TLN2: variants seen among roughly 807,000 people sequenced by gnomAD.
TLN2 encodes the protein talin-2.
In TLN2, 118 loss-of-function variants were observed where a neutral mutation model predicts 294.7. The observed-to-expected ratio is 0.40, with a 90% CI of 0.34 to 0.47. The LOEUF (loss-of-function observed/expected upper bound fraction) is 0.47. Ranked by LOEUF, TLN2 falls within the 20% of genes least tolerant of loss-of-function variation. The probability of loss-of-function intolerance (pLI) is 0.84; values close to 1 mark genes in which losing one functional copy is unlikely to be tolerated. For synonymous variants in TLN2, 1,431 were observed against 1,304.5 expected (o/e 1.10, Z -2.09); for missense variants, 3,083 against 3,282.2 (o/e 0.94, Z 1.48).
At chr15:62,589,923 C>T (rs1387489857) in intron 2 of TLN2, among the ~76,000 whole-genome samples, 161 bp downstream of exon 2, 1 of 152,124 alleles carries the variant, frequency 6.6e-6, no homozygotes, top group African/African-American at 2.4e-5. Flanking sequence ...TCCTAATATT[C>T]CCATTCCTGT....
chr15:62,710,850 T>C (rs2059386805), intron 21 of TLN2, among the ~76,000 whole-genome samples: 2 of 148,572 alleles, frequency 1.3e-5, no homozygotes, highest in East Asian at 4.2e-4. Flanking sequence ...CTTAGCCTCC[T>C]GAGTAGCTGG....
rs1043569014 is a variant in TLN2, at chr15:62,402,307, C to T, written c.-238+11622C>T. Among the ~76,000 whole-genome samples, 4 of 152,196 alleles carry T rather than the reference C, an allele frequency of 2.6e-5. No homozygotes were observed. In the East Asian group the frequency reaches 5.8e-4, roughly 22 times the overall value. On this transcript the variant is annotated intron_variant, in intron 1 of 58. Coordinates refer to ENST00000636159, the MANE Select transcript of TLN2 (RefSeq NM_015059.3). ...TAGACCTAATCATTACTGATAACCGCACCTCCAGCAAAATCTGGACAAACT... is the reference window on the plus strand; with the variant it reads ...TAGACCTAATCATTACTGATAACCGTACCTCCAGCAAAATCTGGACAAACT...
chr15:62,570,519 C>T (rs531633288), intron 1 of TLN2, among the ~76,000 whole-genome samples: 3 of 152,018 alleles, frequency 2.0e-5, no homozygotes, highest in African/African-American at 4.8e-5. Context: ...CTTTCTTGTC[C>T]GTCTTTCTCT....
chr15:62,589,665 A>T (rs955529), intron 1 of TLN2, 22 bp from the exon 2 acceptor site: 49,769 of 152,028 alleles, frequency 0.33, 9,112 homozygotes, highest in African/African-American at 0.49. Context: ...CTTGATTCTG[A>T]TGATTGTTAT....
At chr15:62,612,499 T>A (rs1186015653) in intron 2 of TLN2, among the ~76,000 whole-genome samples, 3 of 152,198 alleles carry the variant, frequency 2.0e-5, no homozygotes, top group African/African-American at 7.2e-5. Context: ...CCCAGAAGTT[T>A]TAAAACACAA....
chr15:62,708,606 G>A lies in TLN2; in HGVS notation c.2277G>A (p.Ala759=), dbSNP rs766620261. Residue 759 remains alanine, a synonymous_variant, in exon 21 of 59, where the codon GCG becomes GCA. Coordinates refer to ENST00000636159, the MANE Select transcript of TLN2 (RefSeq NM_015059.3). The part of the protein sequence containing the change: ...SVENCVRACQ[A]ATTDSELLKQ... Reference sequence around the variant, plus strand: ...AGAACTGTGTCCGTGCCTGCCAGGCGGCCACTACCGATAGTGAGCTCCTGA... The same window carrying A: ...AGAACTGTGTCCGTGCCTGCCAGGCAGCCACTACCGATAGTGAGCTCCTGA... The A allele has an allele frequency of 9.9e-6, 16 of 1,614,088 alleles. No individual in the cohort carries two copies. Among genetic ancestry groups the A allele is most frequent in the Admixed American group, 6.7e-5 (4 of 60,010 alleles).
intron 2 of TLN2, among the ~76,000 whole-genome samples, chr15:62,611,780 C>T (rs895127114): frequency 4.6e-5 from 7 of 152,218 alleles, no homozygotes; most frequent in Non-Finnish European, 4.4e-5. Context: ...AGCTCTACCA[C>T]TGACTAGCCA....
chr15:62,607,726 TC>T (rs2047570341), intron 2 of TLN2, among the ~76,000 whole-genome samples: 2 of 152,082 alleles, frequency 1.3e-5, no homozygotes, highest in African/African-American at 4.8e-5. Context: ...TTTCCCCACT[TC>T]CCCGCTCTTT....
chr15:62,755,839 C>A, intron 37 of TLN2, 146 bp downstream of exon 37: 2 of 1,112,740 alleles, frequency 1.8e-6, no homozygotes, highest in Non-Finnish European at 2.5e-6. Context: ...ACTGAATAGG[C>A]ATCCCTTACT....
At chr15:62,749,925 G>A (rs2061832255) in intron 33 of TLN2, among the ~76,000 whole-genome samples, 1 of 152,144 alleles carries the variant, frequency 6.6e-6, no homozygotes, top group Non-Finnish European at 1.5e-5. Context: ...TGGACAGTTT[G>A]GGGGAATTAC....
At chr15:62,690,869 T>A (rs1448553454) in intron 12 of TLN2, among the ~76,000 whole-genome samples, 200 of 144,822 alleles carry the variant, frequency 1.4e-3, no homozygotes, top group South Asian at 2.2e-3. Context: ...CGAAAACCAG[T>A]CAGGCGTGGC....
At chr15:62,531,910 G>A (rs937213054) in intron 1 of TLN2, among the ~76,000 whole-genome samples, 1 of 152,174 alleles carries the variant, frequency 6.6e-6, no homozygotes, top group East Asian at 1.9e-4. Context: ...TCCTGAAGCC[G>A]TCTGTTTGGG....
intron 3 of TLN2, among the ~76,000 whole-genome samples, chr15:62,633,766 C>T (rs75673530): frequency 0.041 from 6,243 of 152,160 alleles, 147 homozygotes; most frequent in Non-Finnish European, 0.053. Context: ...ATTAATTTGC[C>T]GGGGCTGTCC....
chr15:62,581,893 A>C (rs2045071890), intron 1 of TLN2, among the ~76,000 whole-genome samples: 1 of 151,734 alleles, frequency 6.6e-6, no homozygotes, highest in South Asian at 2.1e-4. Context: ...AAAATACAAA[A>C]ATTAGCCGGG....
intron 1 of TLN2, among the ~76,000 whole-genome samples, chr15:62,475,803 T>C (rs893441651): frequency 2.0e-5 from 3 of 152,184 alleles, no homozygotes; most frequent in Non-Finnish European, 4.4e-5. Context: ...ATGGTTAAGA[T>C]CTGGAACTGC....
At chr15:62,817,435 G>A (rs945634974) in intron 52 of TLN2, among the ~76,000 whole-genome samples, 1 of 152,184 alleles carries the variant, frequency 6.6e-6, no homozygotes, top group Non-Finnish European at 1.5e-5. Context: ...TGGAACAGTA[G>A]CAAATATGAA....
In TLN2 at chr15:62,748,363, G is replaced by C. The variant is rs1419756200; in HGVS notation, c.4038G>C (p.Glu1346Asp). The change falls in exon 33 of 59, where the codon GAG (glutamate) becomes GAC (aspartate). Residue 1346 changes from glutamate (E) to aspartate (D), a missense_variant. Coordinates refer to ENST00000636159, the MANE Select transcript of TLN2 (RefSeq NM_015059.3). ...GTTTCTGTCACAGAGCTGTGACAGAGAGCATCAATCAACTCATCACTCTGT... is the reference window on the plus strand; with the variant it reads ...GTTTCTGTCACAGAGCTGTGACAGACAGCATCAATCAACTCATCACTCTGT... ...LLAAAARAVTESINQLITLCT... is the reference protein window; with the variant it reads ...LLAAAARAVTDSINQLITLCT... 6.2e-7 allele frequency: 1 copy of C among 1,609,392 alleles called. No homozygotes were observed. Among genetic ancestry groups the C allele is most frequent in the Admixed American group, 1.7e-5 (1 of 59,004 alleles).
At chr15:62,758,345 G>C (rs2062441408) in intron 37 of TLN2, among the ~76,000 whole-genome samples, 2 of 152,232 alleles carry the variant, frequency 1.3e-5, no homozygotes, top group South Asian at 4.1e-4. Context: ...ATGGTAGAAG[G>C]ATGCACACCC....
At chr15:62,628,229 A>G (rs2049457127) in intron 3 of TLN2, among the ~76,000 whole-genome samples, 4 of 152,226 alleles carry the variant, frequency 2.6e-5, no homozygotes, top group Admixed American at 2.0e-4. Context: ...CTAGTAACTC[A>G]CTGTGTAATT....
Sources: allele counts gnomAD v4.1 joint callset (sites outside exome capture counted in the v4.1 genomes callset), GRCh38; gene constraint gnomAD v4.1.1; transcripts MANE v1.5; gene names NCBI Gene and HGNC (gene_info 2026-07-23, HGNC 2026-07-21).